The following MAPKAPK3 variants were observed in gnomAD, a reference collection of about 807,000 sequenced individuals.
MAPKAPK3 encodes the protein MAPK activated protein kinase 3, also known as MAP kinase-activated protein kinase 3.
MAPKAPK3 carries 35 observed loss-of-function variants against 49.2 expected under a neutral mutation model. The ratio of observed to expected loss-of-function variants is 0.71; its 90% CI spans 0.54 to 0.94. The LOEUF (loss-of-function observed/expected upper bound fraction) is 0.94, where lower values mean the gene tolerates loss of function less well. Ranked by LOEUF, MAPKAPK3 falls within the 40% of genes least tolerant of loss-of-function variation. The pLI is 0.00. For synonymous variants in MAPKAPK3, 178 were observed against 188.7 expected, an observed-to-expected ratio of 0.94 and a Z score of 0.46; for missense variants, 398 against 493.1, an observed-to-expected ratio of 0.81 and a Z score of 1.83.
rs138430393 is a variant in MAPKAPK3 at position 50,643,687 on chromosome 3, A to G, written c.505-722A>G. 6.6e-5 allele frequency among the ~76,000 whole-genome samples: 10 copies of G among 152,202 alleles called. No individual in the cohort carries two copies. In the East Asian group the frequency reaches 1.9e-3, roughly 29 times the overall value. On this transcript the variant is annotated intron_variant, in intron 5 of 10. Coordinates refer to ENST00000621469, the MANE Select transcript of MAPKAPK3 (RefSeq NM_001243925.2). ...AAAACTGCTTCTCTGTTTTTATCAC[A>G]ATTGAGAAGGTCAGATCTTCTCAAA... is the stretch of plus-strand genomic sequence containing the variant.
chr3:50,616,799 TGCAGA>T (rs1406905884), upstream of MAPKAPK3, among the ~76,000 whole-genome samples: 1 of 152,038 alleles, frequency 6.6e-6, no homozygotes, highest in African/African-American at 2.4e-5. Context: ...CCTGGCAGCG[TGCAGA>T]GCAAACACCC....
intron 2 of MAPKAPK3, among the ~76,000 whole-genome samples, chr3:50,631,101 T>C (rs616689): frequency 0.87 from 132,494 of 152,244 alleles, 59,368 homozygotes; most frequent in Non-Finnish European, 0.99. Context: ...AGGATGTGGT[T>C]GGAACTTAAT....
Position 50,648,387 on chromosome 3 carries a change from G to T in MAPKAPK3, c.*341G>T, listed in dbSNP as rs1249862533. On this transcript the variant is annotated 3_prime_UTR_variant, in exon 11 of 11. Transcript: ENST00000621469. The stretch of plus-strand genomic sequence containing the variant: ...CTAGGCCACTGGGAGTTGTGGCTGG[G>T]CTTCCCATCTTCCACAGAGACATCT... 1 of 194,616 alleles carries T rather than the reference G, an allele frequency of 5.1e-6. No individual in the cohort carries two copies. The highest frequency in any genetic ancestry group is 1.1e-5 in the Non-Finnish European group (1 of 94,898). 12.1% of individuals were successfully genotyped at this position (194,616 alleles called of 1,614,324 possible). A position where few individuals can be genotyped will look rare whatever the true frequency, so the allele number is the denominator to read the frequency against.
At chr3:50,647,759 G>A (rs757543073) in intron 10 of MAPKAPK3, 135 bp from the exon 11 acceptor site, 1 of 815,028 alleles carries the variant, frequency 1.2e-6, no homozygotes, top group Non-Finnish European at 2.0e-6. Context: ...GCTTGGCCCA[G>A]TGCTGGGCAC....
At chr3:50,646,943 A>C (rs1358256053) in intron 9 of MAPKAPK3, 118 bp downstream of exon 9, 5 of 1,087,164 alleles carry the variant, frequency 4.6e-6, no homozygotes, top group Non-Finnish European at 6.9e-6. Flanking sequence ...GCCCATGCAC[A>C]CAGGTAGATA....
chr3:50,646,655 C>G, intron 8 of MAPKAPK3, 85 bp from the exon 9 acceptor site: 1 of 1,238,174 alleles, frequency 8.1e-7, no homozygotes, highest in Non-Finnish European at 1.2e-6. Flanking sequence ...AGCCCCTGCC[C>G]CAGCAGAGCT....
intron 1 of MAPKAPK3, 48 bp downstream of exon 1, chr3:50,617,289 G>A (rs1290751811): frequency 2.9e-6 from 1 of 345,198 alleles, no homozygotes; most frequent in East Asian, 4.5e-5. Flanking sequence ...GGGACCTCGC[G>A]GCCATTAGGC....
chr3:50,646,069 C>A, intron 7 of MAPKAPK3, 71 bp from the exon 8 acceptor site: 1 of 1,561,602 alleles, frequency 6.4e-7, no homozygotes, highest in Non-Finnish European at 8.7e-7. Flanking sequence ...CAGTCAGGGG[C>A]TTTTGAGGGG....
intron 6 of MAPKAPK3, among the ~76,000 whole-genome samples, chr3:50,645,185 T>C (rs1225928289): frequency 6.6e-6 from 1 of 152,176 alleles, no homozygotes; most frequent in African/African-American, 2.4e-5. Context: ...TGGCACTCTG[T>C]TAACTAGGAT....
upstream of MAPKAPK3, among the ~76,000 whole-genome samples, chr3:50,616,269 C>G (rs1426613061): frequency 6.6e-6 from 1 of 152,006 alleles, no homozygotes; most frequent in Non-Finnish European, 1.5e-5. Context: ...AGCCACCCTC[C>G]CTATGGCTCT....
At chr3:50,614,158 C>G (rs1575990599), upstream of MAPKAPK3, 1 of 152,138 alleles carries the variant, frequency 6.6e-6, no homozygotes, top group East Asian at 1.9e-4. Flanking sequence ...CCTGTTCTGC[C>G]CCAAGTACTA....
At chr3:50,632,173 A>G (rs998032254) in intron 2 of MAPKAPK3, among the ~76,000 whole-genome samples, 1 of 152,270 alleles carries the variant, frequency 6.6e-6, no homozygotes, top group African/African-American at 2.4e-5. Flanking sequence ...AGGTGTTGCC[A>G]GAAGGTTTTC....
chr3:50,620,059 G>A (rs531715226), intron 2 of MAPKAPK3, among the ~76,000 whole-genome samples: 61 of 152,158 alleles, frequency 4.0e-4, no homozygotes, highest in Non-Finnish European at 7.8e-4. Context: ...TAGTGACCAA[G>A]CCTAGAAGTC....
intron 2 of MAPKAPK3, among the ~76,000 whole-genome samples, chr3:50,623,575 T>G (rs1381506038): frequency 1.3e-5 from 2 of 152,166 alleles, no homozygotes. Flanking sequence ...CTAACAGTTT[T>G]TCAGAGCATT....
rs1264376395 is a variant in MAPKAPK3 at position 50,649,090 on chromosome 3, C to T, written c.*1044C>T. 6.6e-6 allele frequency: 1 copy of T among 152,250 alleles called. No homozygotes were observed. Among genetic ancestry groups the T allele is most frequent in the Non-Finnish European group, 1.5e-5 (1 of 68,086 alleles). The allele number at this position is 152,250 out of a possible 1,614,324, so 9.4% of individuals were successfully genotyped here. On this transcript the variant is annotated 3_prime_UTR_variant, in exon 11 of 11. Transcript: ENST00000621469. Reference sequence around the variant, plus strand: ...GTAGGGCAGAGAGGGCCTTTCCTGGCTGATCAGAGCTTACCAGCCCCACCC... The same window carrying T: ...GTAGGGCAGAGAGGGCCTTTCCTGGTTGATCAGAGCTTACCAGCCCCACCC...
At position 50,635,589 on chromosome 3, in the gene MAPKAPK3, G is replaced by A. The variant is rs546292711; in HGVS notation, c.220-4777G>A. On this transcript the variant is annotated intron_variant, in intron 2 of 10. Transcript: ENST00000621469. ...CACACCACCACACTAACTAATTTTT[G>A]TATTTTTAGTAGAGATGGGGTTTCA... Among the ~76,000 whole-genome samples, 81 of 151,294 alleles carry A rather than the reference G, an allele frequency of 5.4e-4. 1 individual carries two copies. In the South Asian group the frequency reaches 0.016, roughly 29 times the overall value.
chr3:50,626,964 G>A (rs1347132952), intron 2 of MAPKAPK3, among the ~76,000 whole-genome samples: 2 of 152,044 alleles, frequency 1.3e-5, no homozygotes, highest in Non-Finnish European at 2.9e-5. Context: ...AGGCTGACGC[G>A]GGTGGATCAC....
At chr3:50,611,810 G>C (rs546321484), upstream of MAPKAPK3, 483 of 972,696 alleles carry the variant, frequency 5.0e-4, 4 homozygotes, top group South Asian at 4.2e-3. Context: ...CGAGGGCGAG[G>C]GGGGCGGGCC....
At chr3:50,622,328 C>T (rs944427076) in intron 2 of MAPKAPK3, among the ~76,000 whole-genome samples, 1 of 152,204 alleles carries the variant, frequency 6.6e-6, no homozygotes, top group Non-Finnish European at 1.5e-5. Flanking sequence ...GTCCAGCCCA[C>T]CTCCCTTTTC....
Sources: gnomAD v4.1 joint callset for allele counts (sites outside exome capture counted in the v4.1 genomes callset) on GRCh38, gnomAD v4.1.1 for gene constraint, MANE v1.5 for transcripts, NCBI Gene and HGNC (gene_info 2026-07-23, HGNC 2026-07-21) for gene names.